Variants in ARHGAP19 observed in about 807,000 individuals in gnomAD.
ARHGAP19 encodes rho GTPase-activating protein 19.
A neutral mutation model predicts 60.9 loss-of-function variants in ARHGAP19; 48 were observed. The ratio of observed to expected loss-of-function variants is 0.79; its 90% CI spans 0.62 to 1.00. The LOEUF is 1.00. Among genes scored for constraint, ARHGAP19 ranks in the 50% least tolerant of loss-of-function variants. The pLI, the probability that ARHGAP19 is intolerant of heterozygous loss-of-function variation, is 0.00. For missense variants in ARHGAP19, 562 were observed against 597.2 expected, an observed-to-expected ratio of 0.94 and a Z score of 0.61; for synonymous variants, 209 against 215.5, an observed-to-expected ratio of 0.97 and a Z score of 0.27.
intron 1 of ARHGAP19, 124 bp from the exon 2 acceptor site, chr10:97,266,249 T>A: frequency 8.9e-7 from 1 of 1,128,154 alleles, no homozygotes; most frequent in African/African-American, 1.6e-5. Context: ...CAGCTTCCTT[T>A]AACTGAGCCA....
intron 6 of ARHGAP19, among the ~76,000 whole-genome samples, chr10:97,252,921 G>A (rs1040405123): frequency 1.3e-5 from 2 of 152,100 alleles, no homozygotes; most frequent in Non-Finnish European, 2.9e-5. Context: ...ATCAATGGAT[G>A]AATGATAAAG....
At position 97,264,916 on chromosome 10, in the gene ARHGAP19, CATATG is replaced by C; in HGVS notation, c.323-15_323-11del. ...AATATCACTCCTTTTTCTGAAAAAC[CATATG>C]ATATGACAGGGCTATATTTCACACA... On this transcript the variant is annotated splice_polypyrimidine_tract_variant and intron_variant, in intron 2 of 11. Coordinates refer to ENST00000358531, the MANE Select transcript of ARHGAP19 (RefSeq NM_032900.6). The C allele has an allele frequency of 6.2e-7, 1 of 1,604,214 alleles. No homozygotes were observed. Among genetic ancestry groups the C allele is most frequent in the Middle Eastern group, 1.7e-4 (1 of 6,052 alleles).
chr10:97,285,799 C>T (rs1253397), intron 1 of ARHGAP19, among the ~76,000 whole-genome samples: 35,788 of 152,066 alleles, frequency 0.24, 4,617 homozygotes, highest in Non-Finnish European at 0.3. Flanking sequence ...CGATTACAGG[C>T]GTGAGCCACC....
At chr10:97,270,738 T>TA in intron 1 of ARHGAP19, 2 of 1,469,816 alleles carry the variant, frequency 1.4e-6, no homozygotes, top group Admixed American at 2.3e-5. Flanking sequence ...CCAGACATGT[T>TA]AGAGGATACA....
chr10:97,248,681 G>A (rs1046594049), intron 6 of ARHGAP19, among the ~76,000 whole-genome samples: 12 of 152,130 alleles, frequency 7.9e-5, no homozygotes, highest in African/African-American at 2.4e-4. Flanking sequence ...CTAGGCCAGC[G>A]CAAGTACAAA....
Position 97,226,568 on chromosome 10 carries a change from T to C in ARHGAP19, c.1475-436A>G, listed in dbSNP as rs144521034. ...CATGCTCCTACCACCACCGCCCCTCTCAACACTCAATGTTTACTAAAAGCC... is the reference window on the plus strand; with the variant it reads ...CATGCTCCTACCACCACCGCCCCTCCCAACACTCAATGTTTACTAAAAGCC... On this transcript the variant is annotated intron_variant, in intron 11 of 11. Coordinates refer to ENST00000358531, the MANE Select transcript of ARHGAP19 (RefSeq NM_032900.6). 3.0e-4 allele frequency among the ~76,000 whole-genome samples: 46 copies of C among 152,200 alleles called. No individual in the cohort carries two copies. In the East Asian group the frequency reaches 8.1e-3, roughly 27 times the overall value.
At position 97,224,984 on chromosome 10, in the gene ARHGAP19, A is replaced by G. The variant is rs1185373544; in HGVS notation, c.*1138T>C. 6.6e-6 allele frequency: 1 copy of G among 152,324 alleles called. No homozygotes were observed. Among genetic ancestry groups the G allele is most frequent in the East Asian group, 1.9e-4 (1 of 5,194 alleles). The allele number at this position is 152,324 out of a possible 1,614,324, so 9.4% of individuals were successfully genotyped here. ...AAGCCACAGCTGCTTCCAAATAAGA[A>G]CATTCTCTCCTTTAAATCCTGTCAG... On this transcript the variant is annotated 3_prime_UTR_variant, in exon 12 of 12. Coordinates refer to ENST00000358531, the MANE Select transcript of ARHGAP19 (RefSeq NM_032900.6).
chr10:97,257,104 A>G (rs1442956849), intron 5 of ARHGAP19, among the ~76,000 whole-genome samples: 7 of 152,024 alleles, frequency 4.6e-5, no homozygotes, highest in South Asian at 2.1e-4. Flanking sequence ...CTGGGCGACA[A>G]AGCAAGACTC....
Position 97,266,116 on chromosome 10 carries a change from G to A in ARHGAP19, c.66C>T (p.Ile22=), listed in dbSNP as rs1187537755. The change falls in exon 2 of 12, where the codon ATC becomes ATT. Residue 22 remains isoleucine (I), a synonymous_variant. Transcript: ENST00000358531. Reference sequence around the variant, plus strand: ...AATCATTGCAGATCACAAAACTGCAGATGGCATCACTGAAAAACACAGAAG... The same window carrying A: ...AATCATTGCAGATCACAAAACTGCAAATGGCATCACTGAAAAACACAGAAG... ...PARESGRSDA[I]CSFVICNDSS... 1.9e-6 allele frequency: 3 copies of A among 1,613,640 alleles called. No homozygotes were observed. Among genetic ancestry groups the A allele is most frequent in the African/African-American group, 1.3e-5 (1 of 74,898 alleles).
intron 9 of ARHGAP19, among the ~76,000 whole-genome samples, chr10:97,231,514 T>C (rs1323036083): frequency 6.6e-6 from 1 of 152,206 alleles, no homozygotes; most frequent in Non-Finnish European, 1.5e-5. Context: ...CTCTACTTTC[T>C]GTCTCTGAAC....
chr10:97,292,114 A>G (rs1589386207), intron 1 of ARHGAP19, among the ~76,000 whole-genome samples: 1 of 89,724 alleles, frequency 1.1e-5, no homozygotes, highest in South Asian at 4.0e-4. Flanking sequence ...ACTGAAGTCG[A>G]GAGAGGTTTA....
chr10:97,259,072 G>A (rs993582248), intron 5 of ARHGAP19, among the ~76,000 whole-genome samples: 1 of 152,178 alleles, frequency 6.6e-6, no homozygotes, highest in Non-Finnish European at 1.5e-5. Context: ...AAACTAATTT[G>A]ATTTCCCAAG....
intron 5 of ARHGAP19, among the ~76,000 whole-genome samples, chr10:97,257,341 A>G (rs1026868710): frequency 6.3e-5 from 9 of 142,328 alleles, no homozygotes; most frequent in Non-Finnish European, 1.0e-4. Flanking sequence ...AGATTGGAGT[A>G]CAGTGGTGCA....
At chr10:97,279,527 T>G (rs1364689409) in intron 1 of ARHGAP19, among the ~76,000 whole-genome samples, 3 of 152,064 alleles carry the variant, frequency 2.0e-5, no homozygotes, top group Non-Finnish European at 2.9e-5. Context: ...GGGTCTTCCC[T>G]TGTTGCCCAG....
At chr10:97,290,475 T>G (rs1054712796) in intron 1 of ARHGAP19, among the ~76,000 whole-genome samples, 2 of 152,128 alleles carry the variant, frequency 1.3e-5, no homozygotes, top group Non-Finnish European at 2.9e-5. Flanking sequence ...CTAATAGAGC[T>G]GTAACACTCA....
chr10:97,265,846 A>T lies in ARHGAP19; in HGVS notation c.322+14T>A. The T allele has an allele frequency of 6.2e-7, 1 of 1,612,380 alleles. No homozygotes were observed. The highest frequency in any genetic ancestry group is 1.1e-5 in the South Asian group (1 of 91,016). On this transcript the variant is annotated intron_variant, in intron 2 of 11. Coordinates refer to ENST00000358531, the MANE Select transcript of ARHGAP19 (RefSeq NM_032900.6). ...AGCTGAGGCCTGCCCACCCTTCACA[A>T]ACACATCTCCTACCCTTTCGCTTGA...
rs185932509 is a variant in ARHGAP19, at chr10:97,242,426, C to T, written c.1185+1542G>A. On this transcript the variant is annotated intron_variant, in intron 8 of 11. Coordinates refer to ENST00000358531, the MANE Select transcript of ARHGAP19 (RefSeq NM_032900.6). ...TCAGCTCACCGCAACCTCCACCTCC[C>T]GGGCTCAAGCAATTCTCCTGCCTCA... Among the ~76,000 whole-genome samples, 15 of 150,808 alleles carry T rather than the reference C, an allele frequency of 9.9e-5. No homozygotes were observed. The East Asian group carries it at 1.4e-3, about 14-fold the overall frequency.
At chr10:97,266,199 T>A in intron 1 of ARHGAP19, 74 bp from the exon 2 acceptor site, 1 of 1,546,624 alleles carries the variant, frequency 6.5e-7, no homozygotes. Flanking sequence ...TTGGGTTATT[T>A]GGTCCTGACT....
intron 6 of ARHGAP19, among the ~76,000 whole-genome samples, chr10:97,248,307 G>C (rs1006022635): frequency 2.0e-5 from 3 of 151,994 alleles, no homozygotes; most frequent in Non-Finnish European, 4.4e-5. Flanking sequence ...CCAGCTACTC[G>C]AGAGGCTGAG....
Sources: allele counts gnomAD v4.1 joint callset (sites outside exome capture counted in the v4.1 genomes callset), GRCh38; gene constraint gnomAD v4.1.1; transcripts MANE v1.5; gene names NCBI Gene and HGNC (gene_info 2026-07-23, HGNC 2026-07-21).